The following SNTG2 variants were observed in gnomAD, a reference collection of about 807,000 sequenced individuals.
The protein encoded by SNTG2 is gamma-2-syntrophin.
SNTG2 carries 74 observed loss-of-function variants against 70.9 expected under a neutral mutation model. That is an observed-to-expected ratio of 1.04 (90% CI 0.86 to 1.27). The LOEUF is 1.27. Among genes scored for constraint, SNTG2 ranks in the 50% most tolerant of loss-of-function variants. The pLI, the probability that SNTG2 is intolerant of heterozygous loss-of-function variation, is 0.00. For missense variants in SNTG2, 717 were observed against 690.7 expected (o/e 1.04, Z -0.43); for synonymous variants, 278 against 273.8 (o/e 1.02, Z -0.15).
At chr2:952,486 C>G (rs1424141390) in intron 1 of SNTG2, among the ~76,000 whole-genome samples, 1 of 152,190 alleles carries the variant, frequency 6.6e-6, no homozygotes, top group Non-Finnish European at 1.5e-5. Context: ...AGCAACTGCG[C>G]GTATTCTAGT....
intron 1 of SNTG2, among the ~76,000 whole-genome samples, chr2:1,062,774 T>C (rs1662904963): frequency 6.6e-6 from 1 of 152,206 alleles, no homozygotes; most frequent in Admixed American, 6.5e-5. Flanking sequence ...CACATTAAGC[T>C]TGAAAATTAG....
At chr2:1,028,754 T>C (rs1233207465) in intron 1 of SNTG2, among the ~76,000 whole-genome samples, 1 of 145,434 alleles carries the variant, frequency 6.9e-6, no homozygotes, top group Non-Finnish European at 1.5e-5. Context: ...TTTTTTTTTT[T>C]AAATGCTAAT....
intron 4 of SNTG2, among the ~76,000 whole-genome samples, chr2:1,109,396 T>A (rs1396720509): frequency 6.6e-6 from 1 of 152,048 alleles, no homozygotes; most frequent in African/African-American, 2.4e-5. Context: ...TGAAAAAGGA[T>A]GTGGAAGTCA....
chr2:1,054,423 G>A (rs4468849), intron 1 of SNTG2, among the ~76,000 whole-genome samples: 124,096 of 152,158 alleles, frequency 0.82, 51,222 homozygotes, highest in Middle Eastern at 0.91. Flanking sequence ...TACGTAGAGG[G>A]CTTCGGGGAT....
intron 4 of SNTG2, among the ~76,000 whole-genome samples, chr2:1,103,883 C>T (rs1214711599): frequency 6.6e-6 from 1 of 152,158 alleles, no homozygotes; most frequent in African/African-American, 2.4e-5. Flanking sequence ...AGACTGATTT[C>T]TTGCTTTCAG....
At chr2:1,206,918 A>G (rs778645576) in intron 8 of SNTG2, among the ~76,000 whole-genome samples, 2 of 152,192 alleles carry the variant, frequency 1.3e-5, no homozygotes, top group East Asian at 1.9e-4. Context: ...TACTTCTGCA[A>G]ACAGATAGCA....
chr2:1,002,447 C>T lies in SNTG2; in HGVS notation c.72+51379C>T, dbSNP rs578256063. 3.4e-3 allele frequency among the ~76,000 whole-genome samples: 520 copies of T among 152,122 alleles called. 4 individuals carry two copies. The highest frequency in any genetic ancestry group is 0.011 in the African/African-American group (455 of 41,528). ...AAAGTAGGCAAAAGTAGGCAAAAGACATGAACATATATTTTTCAAAAGACA... is the reference window on the plus strand; with the variant it reads ...AAAGTAGGCAAAAGTAGGCAAAAGATATGAACATATATTTTTCAAAAGACA... On this transcript the variant is annotated intron_variant, in intron 1 of 16. Transcript: ENST00000308624.
chr2:1,067,907 T>C (rs1197879246), intron 1 of SNTG2, among the ~76,000 whole-genome samples: 2 of 152,152 alleles, frequency 1.3e-5, no homozygotes, highest in African/African-American at 4.8e-5. Context: ...TGCAGGCTTA[T>C]GGGTCCCACA....
intron 8 of SNTG2, among the ~76,000 whole-genome samples, chr2:1,205,475 CAG>C (rs72329877): frequency 0.01 from 1,565 of 152,226 alleles, 18 homozygotes; most frequent in African/African-American, 0.035. Context: ...TGGGAGAATG[CAG>C]AGTCGGGGAG....
At chr2:1,100,430 C>T (rs753004160) in intron 4 of SNTG2, among the ~76,000 whole-genome samples, 6 of 152,196 alleles carry the variant, frequency 3.9e-5, no homozygotes, top group Non-Finnish European at 7.3e-5. Flanking sequence ...CAGGCGTGAG[C>T]CACCGCACCC....
chr2:999,983 C>T (rs770823220), intron 1 of SNTG2, among the ~76,000 whole-genome samples: 2 of 151,774 alleles, frequency 1.3e-5, no homozygotes, highest in Non-Finnish European at 3.0e-5. Flanking sequence ...GAGAAACTCC[C>T]CAAACTATAC....
intron 16 of SNTG2, among the ~76,000 whole-genome samples, chr2:1,326,584 A>G (rs1381134256): frequency 2.0e-5 from 3 of 151,954 alleles, no homozygotes; most frequent in Admixed American, 1.3e-4. Flanking sequence ...CATGAGGCCA[A>G]CAGAATCTGT....
At chr2:1,155,617 C>T (rs996291067) in intron 6 of SNTG2, among the ~76,000 whole-genome samples, 10 of 152,182 alleles carry the variant, frequency 6.6e-5, no homozygotes, top group Non-Finnish European at 1.5e-4. Flanking sequence ...TCAGCCCTGG[C>T]CGTGGTGGTG....
chr2:1,088,482 C>T (rs1664819066), intron 2 of SNTG2, among the ~76,000 whole-genome samples: 1 of 152,224 alleles, frequency 6.6e-6, no homozygotes, highest in Non-Finnish European at 1.5e-5. Context: ...GTCTGATGGA[C>T]ACCTCGGCCT....
intron 12 of SNTG2, among the ~76,000 whole-genome samples, chr2:1,250,387 GTCTC>G (rs1000775534): frequency 1.3e-5 from 2 of 151,980 alleles, no homozygotes; most frequent in African/African-American, 2.4e-5. Flanking sequence ...CTCTGTCTCT[GTCTC>G]TCTCTGTCTC....
intron 9 of SNTG2, chr2:1,210,330 A>G (rs189235510): frequency 6.6e-6 from 1 of 152,322 alleles, no homozygotes; most frequent in African/African-American, 2.4e-5. Flanking sequence ...ATGGGTGGAT[A>G]GATAGATGAT....
Position 1,139,161 on chromosome 2 carries a change from A to C in SNTG2, c.411+1352A>C, listed in dbSNP as rs566330440. Among the ~76,000 whole-genome samples the C allele has an allele frequency of 2.6e-5, 4 of 152,324 alleles. No individual in the cohort carries two copies. The East Asian group carries it at 7.7e-4, about 29-fold the overall frequency. ...TGATAGAGAGGCAAGACACACCTTCATGACTTCTATCCTAGCCCAGAGAGA... is the reference window on the plus strand; with the variant it reads ...TGATAGAGAGGCAAGACACACCTTCCTGACTTCTATCCTAGCCCAGAGAGA... On this transcript the variant is annotated intron_variant, in intron 6 of 16. Coordinates refer to ENST00000308624, the MANE Select transcript of SNTG2 (RefSeq NM_018968.4).
rs1672989585 is a variant in SNTG2 at position 1,197,509 on chromosome 2, A to ATATATGTGTATG, written c.592-11589_592-11588insGTGTATGTATAT. 3.5e-4 allele frequency among the ~76,000 whole-genome samples: 33 copies of ATATATGTGTATG among 93,740 alleles called. No individual in the cohort carries two copies. In the East Asian group the frequency reaches 8.9e-3, roughly 25 times the overall value. The allele number at this position is 93,740 out of a possible 152,430, so 61.5% of individuals were successfully genotyped here. Reference sequence around the variant, plus strand: ...TATGTGTATGTATATATGTGTATGTATATATATGTGTGTGTGTGTGTGTGT... The same window carrying ATATATGTGTATG: ...TATGTGTATGTATATATGTGTATGTATATATGTGTATGTATATATGTGTGTGTGTGTGTGTGT... On this transcript the variant is annotated intron_variant, in intron 8 of 16. Coordinates refer to ENST00000308624, the MANE Select transcript of SNTG2 (RefSeq NM_018968.4).
intron 6 of SNTG2, chr2:1,161,275 AAAG>A (rs1670253536): frequency 6.8e-6 from 1 of 146,634 alleles, no homozygotes; most frequent in Non-Finnish European, 1.5e-5. Context: ...AGTCAAAAAA[AAAG>A]AGAGCGCATC....
Sources: gnomAD v4.1 joint callset for allele counts (sites outside exome capture counted in the v4.1 genomes callset) on GRCh38, gnomAD v4.1.1 for gene constraint, MANE v1.5 for transcripts, NCBI Gene and HGNC (gene_info 2026-07-23, HGNC 2026-07-21) for gene names.